CCDC93: variants seen among roughly 807,000 people sequenced by gnomAD.
CCDC93 encodes the protein coiled-coil domain-containing protein 93.
A neutral mutation model predicts 108.2 loss-of-function variants in CCDC93; 61 were observed. The ratio of observed to expected loss-of-function variants is 0.56; its 90% CI spans 0.46 to 0.70. CCDC93 has a LOEUF of 0.70. Among genes scored for constraint, CCDC93 ranks in the 30% least tolerant of loss-of-function variants. CCDC93 has a pLI of 0.00. For missense variants in CCDC93, 685 were observed against 764.2 expected, an observed-to-expected ratio of 0.90 and a Z score of 1.22; for synonymous variants, 276 against 260.4, an observed-to-expected ratio of 1.06 and a Z score of -0.58.
chr2:117,944,160 A>C (rs1678796205), intron 17 of CCDC93, 74 bp from the exon 18 acceptor site: 10 of 1,099,910 alleles, frequency 9.1e-6, no homozygotes, highest in Non-Finnish European at 1.3e-5. Context: ...TTGAAAGTTG[A>C]ATATGTTTTT....
Position 117,973,894 on chromosome 2 carries a change from G to A in CCDC93, c.888+14C>T, listed in dbSNP as rs1008391776. 6.3e-7 allele frequency: 1 copy of A among 1,597,326 alleles called. No individual in the cohort carries two copies. Among genetic ancestry groups the A allele is most frequent in the African/African-American group, 1.3e-5 (1 of 74,544 alleles). On this transcript the variant is annotated intron_variant, in intron 11 of 23. Coordinates refer to ENST00000376300, the MANE Select transcript of CCDC93 (RefSeq NM_019044.5). ...ATTATCTGGGGCACAGACTCCAGCTGGGCCCCCACCTACCTTCTCTGCATA... is the reference window on the plus strand; with the variant it reads ...ATTATCTGGGGCACAGACTCCAGCTAGGCCCCCACCTACCTTCTCTGCATA...
intron 3 of CCDC93, 77 bp from the exon 4 acceptor site, chr2:118,001,009 T>C (rs1680833229): frequency 1.2e-6 from 1 of 858,414 alleles, no homozygotes; most frequent in Non-Finnish European, 2.0e-6. Context: ...CTGGGCAGCA[T>C]CACAGACGGA....
In CCDC93 at chr2:117,920,381, C is replaced by T. The variant is rs778106466; in HGVS notation, c.1858G>A (p.Glu620Lys). 10 of 1,612,930 alleles carry T rather than the reference C, an allele frequency of 6.2e-6. No homozygotes were observed. The highest frequency in any genetic ancestry group is 1.1e-5 in the South Asian group (1 of 90,930). ...KEFKEEGRKNEMLLSKVKAKA... is the reference protein window; with the variant it reads ...KEFKEEGRKNKMLLSKVKAKA... The stretch of plus-strand genomic sequence containing the variant: ...GCTTTCACCTTGGACAGCAGCATCT[C>T]GTTCTTGCGGCCCTCCTGGAGGGAA... Residue 620 changes from glutamate to lysine, a missense_variant, in exon 24 of 24, where the codon GAG becomes AAG. Transcript: ENST00000376300.
chr2:117,996,245 A>G lies in CCDC93; in HGVS notation c.462+19T>C, dbSNP rs779623786. On this transcript the variant is annotated intron_variant, in intron 5 of 23. Coordinates refer to ENST00000376300, the MANE Select transcript of CCDC93 (RefSeq NM_019044.5). Reference sequence around the variant, plus strand: ...CTCTGTTTCTCAGTGGGACAAGAAAATAAAATCACAATACTGACCTCAGGG... The same window carrying G: ...CTCTGTTTCTCAGTGGGACAAGAAAGTAAAATCACAATACTGACCTCAGGG... 1.3e-6 allele frequency: 2 copies of G among 1,536,792 alleles called. No homozygotes were observed. The highest frequency in any genetic ancestry group is 1.8e-6 in the Non-Finnish European group (2 of 1,110,306).
intron 15 of CCDC93, among the ~76,000 whole-genome samples, chr2:117,947,879 A>G (rs1007696119): frequency 1.3e-5 from 2 of 152,060 alleles, no homozygotes; most frequent in African/African-American, 4.8e-5. Context: ...TATTTTTAGT[A>G]GAGACGGGGT....
At chr2:117,988,321 T>C (rs186657116) in intron 6 of CCDC93, among the ~76,000 whole-genome samples, 1 of 152,182 alleles carries the variant, frequency 6.6e-6, no homozygotes, top group African/African-American at 2.4e-5. Flanking sequence ...CATTCCTCAA[T>C]GCAGGGAAGG....
chr2:117,944,624 G>A, intron 17 of CCDC93: 1 of 431,744 alleles, frequency 2.3e-6, no homozygotes, highest in Non-Finnish European at 4.8e-6. Context: ...GACATGGTAA[G>A]AGACATGGCT....
intron 2 of CCDC93, 84 bp downstream of exon 2, chr2:118,008,461 T>C (rs1573535466): frequency 1.3e-6 from 1 of 795,080 alleles, no homozygotes; most frequent in Non-Finnish European, 2.1e-6. Flanking sequence ...AGTTAAAACA[T>C]CATCTTTTCC....
chr2:117,950,407 G>T (rs907185907), intron 13 of CCDC93: 1 of 985,298 alleles, frequency 1.0e-6, no homozygotes, highest in Admixed American at 6.1e-5. Context: ...TGTGACTGCT[G>T]AAGTTACAAA....
intron 11 of CCDC93, among the ~76,000 whole-genome samples, chr2:117,973,414 G>GAAAA: frequency 7.0e-6 from 1 of 142,284 alleles, no homozygotes. Flanking sequence ...TCTTAGGATG[G>GAAAA]AAAAAAAAAA....
chr2:117,922,944 G>A (rs1407768256), intron 23 of CCDC93, among the ~76,000 whole-genome samples: 4 of 151,640 alleles, frequency 2.6e-5, no homozygotes, highest in Non-Finnish European at 5.9e-5. Flanking sequence ...GAGCTTGTGG[G>A]AGAAAGATGC....
At chr2:117,962,609 C>T (rs1679432480) in intron 11 of CCDC93, among the ~76,000 whole-genome samples, 1 of 152,174 alleles carries the variant, frequency 6.6e-6, no homozygotes, top group Non-Finnish European at 1.5e-5. Flanking sequence ...CACCACTACA[C>T]TCCAGCCTGG....
chr2:117,978,488 G>T (rs1680012940), intron 7 of CCDC93, among the ~76,000 whole-genome samples: 1 of 151,772 alleles, frequency 6.6e-6, no homozygotes, highest in East Asian at 1.9e-4. Context: ...CCAATAATGT[G>T]TACTCACTTC....
At chr2:117,939,241 C>T (rs1302031737) in intron 19 of CCDC93, 130 bp from the exon 20 acceptor site, 2 of 597,378 alleles carry the variant, frequency 3.3e-6, no homozygotes, top group Non-Finnish European at 6.0e-6. Flanking sequence ...AGAAACCCCA[C>T]AGCGTGCAAA....
At chr2:117,950,793 G>A in intron 13 of CCDC93, 5 of 985,392 alleles carry the variant, frequency 5.1e-6, no homozygotes, top group Non-Finnish European at 4.8e-6. Flanking sequence ...ATGGGAATTA[G>A]TCTGATTTTC....
intron 23 of CCDC93, among the ~76,000 whole-genome samples, chr2:117,929,242 C>G (rs978668616): frequency 8.5e-5 from 13 of 152,176 alleles, no homozygotes; most frequent in Non-Finnish European, 1.6e-4. Context: ...CACATGTACC[C>G]TAAAACTTAA....
chr2:117,972,315 C>T (rs191073947), intron 11 of CCDC93, among the ~76,000 whole-genome samples: 1 of 152,290 alleles, frequency 6.6e-6, no homozygotes, highest in East Asian at 1.9e-4. Flanking sequence ...TGGTCCAAGA[C>T]AGATAAACCA....
chr2:117,989,463 C>T (rs541620310), intron 6 of CCDC93, among the ~76,000 whole-genome samples: 4 of 152,338 alleles, frequency 2.6e-5, no homozygotes, highest in South Asian at 2.1e-4. Context: ...ATGCTACTGC[C>T]ACCTTGCAGT....
chr2:117,960,966 T>C (rs986872128), intron 11 of CCDC93, among the ~76,000 whole-genome samples: 4 of 152,166 alleles, frequency 2.6e-5, no homozygotes, highest in African/African-American at 9.7e-5. Context: ...TGTAAATGAA[T>C]TAAAATACAC....
Sources: allele counts gnomAD v4.1 joint callset (sites outside exome capture counted in the v4.1 genomes callset), GRCh38; gene constraint gnomAD v4.1.1; transcripts MANE v1.5; gene names NCBI Gene and HGNC (gene_info 2026-07-23, HGNC 2026-07-21).